DNAH3: variants seen among roughly 807,000 people sequenced by gnomAD.
DNAH3 encodes the protein axonemal beta dynein heavy chain 3.
In DNAH3, 332 loss-of-function variants were observed where a neutral mutation model predicts 432.5. The ratio of observed to expected loss-of-function variants is 0.77; its 90% CI spans 0.70 to 0.84. The LOEUF (loss-of-function observed/expected upper bound fraction) is 0.84. DNAH3 is among the 40% of genes least tolerant of loss of function. DNAH3 has a pLI of 0.00. For missense variants in DNAH3, 4,861 were observed against 5,114.0 expected (o/e 0.95, Z 1.51); for synonymous variants, 1,956 against 1,900.2 (o/e 1.03, Z -0.76).
intron 44 of DNAH3, among the ~76,000 whole-genome samples, chr16:20,988,823 G>A (rs926501403): frequency 6.6e-6 from 1 of 152,078 alleles, no homozygotes; most frequent in Admixed American, 6.6e-5. Flanking sequence ...ATGTTCGAAT[G>A]TGTTCGGAGT....
chr16:21,124,483 A>G (rs1243193905), intron 9 of DNAH3, among the ~76,000 whole-genome samples: 1 of 152,150 alleles, frequency 6.6e-6, no homozygotes, highest in Non-Finnish European at 1.5e-5. Flanking sequence ...AATTATTCCA[A>G]TCCACAGCTG....
intron 7 of DNAH3, chr16:21,130,197 C>A (rs1453105408): frequency 2.0e-5 from 3 of 151,482 alleles, no homozygotes; most frequent in African/African-American, 7.3e-5. Flanking sequence ...TTGAGTGACA[C>A]CTCCTAGAAC....
chr16:20,966,461 G>GC (rs1264882873), intron 52 of DNAH3, among the ~76,000 whole-genome samples: 1 of 152,050 alleles, frequency 6.6e-6, no homozygotes, highest in African/African-American at 2.4e-5. Flanking sequence ...GACAAGAGAG[G>GC]CCCCCCTCCC....
At chr16:21,123,813 A>T (rs1180886916) in intron 9 of DNAH3, among the ~76,000 whole-genome samples, 1 of 151,776 alleles carries the variant, frequency 6.6e-6, no homozygotes, top group Non-Finnish European at 1.5e-5. Flanking sequence ...TTTTTTAGAC[A>T]GAGTCTCGCT....
chr16:21,038,336 G>A (rs1567680248), intron 33 of DNAH3, among the ~76,000 whole-genome samples: 4 of 152,068 alleles, frequency 2.6e-5, no homozygotes, highest in East Asian at 1.9e-4. Context: ...GCAACATAGC[G>A]AGGCTCTATC....
chr16:21,120,605 G>C, intron 11 of DNAH3: 1 of 700,246 alleles, frequency 1.4e-6, no homozygotes, highest in Non-Finnish European at 2.5e-6. Flanking sequence ...CACTAGATGG[G>C]GAACTCAGTC....
At chr16:20,953,792 T>G (rs1055808261) in intron 55 of DNAH3, among the ~76,000 whole-genome samples, 2 of 151,646 alleles carry the variant, frequency 1.3e-5, no homozygotes, top group African/African-American at 4.8e-5. Context: ...TCATCCAGTT[T>G]GGAGTGCAGT....
At chr16:21,146,342 G>A (rs1952679835) in intron 1 of DNAH3, among the ~76,000 whole-genome samples, 1 of 152,138 alleles carries the variant, frequency 6.6e-6, no homozygotes. Context: ...GATCACCTGA[G>A]GTCAGGAGTT....
intron 41 of DNAH3, among the ~76,000 whole-genome samples, chr16:21,016,790 C>T (rs1185473074): frequency 1.3e-5 from 2 of 152,094 alleles, no homozygotes; most frequent in Admixed American, 6.6e-5. Context: ...ATAAACAAAA[C>T]GTGGTGTATA....
chr16:20,942,535 T>C (rs1193039904), intron 58 of DNAH3, among the ~76,000 whole-genome samples: 2 of 152,140 alleles, frequency 1.3e-5, no homozygotes, highest in Non-Finnish European at 2.9e-5. Flanking sequence ...CAGTGATACT[T>C]AATGGCACTA....
chr16:21,095,146 C>T (rs1334898416), intron 18 of DNAH3, among the ~76,000 whole-genome samples: 4 of 152,166 alleles, frequency 2.6e-5, no homozygotes, highest in South Asian at 2.1e-4. Context: ...CTGTGGAAAA[C>T]AAAAGTTTGG....
chr16:21,037,772 G>C, exon 34 of DNAH3: 1 of 1,614,062 alleles, frequency 6.2e-7, no homozygotes, highest in Non-Finnish European at 8.5e-7. Context: ...TGAAACAGAG[G>C]GACATCTTGC....
intron 16 of DNAH3, 129 bp downstream of exon 16, chr16:21,104,342 T>C (rs2091901225): frequency 1.3e-6 from 1 of 764,974 alleles, no homozygotes; most frequent in African/African-American, 1.7e-5. Flanking sequence ...CTCCACCAAT[T>C]GTTTTCAGAC....
intron 38 of DNAH3, 112 bp downstream of exon 38, chr16:21,026,915 G>A (rs2152719159): frequency 2.9e-6 from 2 of 697,662 alleles, no homozygotes; most frequent in East Asian, 2.7e-5. Context: ...TAATAATAAT[G>A]TAGATGATCT....
At chr16:21,109,407 G>A (rs1241546494) in intron 14 of DNAH3, among the ~76,000 whole-genome samples, 2 of 152,104 alleles carry the variant, frequency 1.3e-5, no homozygotes, top group Admixed American at 6.6e-5. Flanking sequence ...TCTGTGCAGG[G>A]TACTTATATG....
At chr16:21,086,703 C>G in intron 19 of DNAH3, 146 bp downstream of exon 19, 2 of 725,576 alleles carry the variant, frequency 2.8e-6, no homozygotes, top group Non-Finnish European at 4.7e-6. Context: ...AGTCTTGCCA[C>G]TCTCATTTGC....
At chr16:21,029,816 C>T (rs1239468913) in intron 37 of DNAH3, among the ~76,000 whole-genome samples, 1 of 152,132 alleles carries the variant, frequency 6.6e-6, no homozygotes, top group Admixed American at 6.5e-5. Flanking sequence ...ACATAAATTC[C>T]ATCCCATATG....
At chr16:21,024,195 T>C (rs2088414326) in intron 39 of DNAH3, among the ~76,000 whole-genome samples, 1 of 152,112 alleles carries the variant, frequency 6.6e-6, no homozygotes, top group African/African-American at 2.4e-5. Context: ...GAGTCCAGGT[T>C]ACAGGGATGG....
rs775324961 is a variant in DNAH3 at position 21,022,043 on chromosome 16, A to G, written c.5704T>C (p.Cys1902Arg). Residue 1902 changes from cysteine to arginine, a missense_variant, in exon 40 of 62, where the codon TGT becomes CGT. Coordinates refer to ENST00000261383, the Ensembl canonical transcript of DNAH3. ...GGAGATGTCTGGACAACAAATTTAC[A>G]ATGAAGGCGACCAAATTCCAGGCAG... The G allele has an allele frequency of 3.1e-6, 5 of 1,613,964 alleles. No individual in the cohort carries two copies. In the South Asian group the frequency reaches 5.5e-5, roughly 18 times the overall value.
Sources: gnomAD v4.1 joint callset for allele counts (sites outside exome capture counted in the v4.1 genomes callset) on GRCh38, gnomAD v4.1.1 for gene constraint, MANE v1.5 for transcripts, NCBI Gene and HGNC (gene_info 2026-07-23, HGNC 2026-07-21) for gene names.